SGSH: variants seen among roughly 807,000 people sequenced by gnomAD.
SGSH encodes N-sulfoglucosamine sulfohydrolase.
Under a neutral mutation model 51.0 loss-of-function variants are expected in SGSH, and 48 were observed. The observed-to-expected ratio is 0.94, with a 90% CI of 0.75 to 1.20. The LOEUF is 1.20. SGSH is among the 50% of genes most tolerant of loss of function. SGSH has a pLI of 0.00. For synonymous variants in SGSH, 321 were observed against 313.4 expected (o/e 1.02, Z -0.26); for missense variants, 662 against 717.8 (o/e 0.92, Z 0.89).
rs1299890767 is a variant in SGSH at position 80,213,954 on chromosome 17, C to T, written c.664-69G>A. 5.0e-5 allele frequency: 74 copies of T among 1,470,190 alleles called. No individual in the cohort carries two copies. The highest frequency in any genetic ancestry group is 9.3e-5 in the East Asian group (4 of 43,138). The allele number at this position is 1,470,190 out of a possible 1,614,324, so 91.1% of individuals were successfully genotyped here. A position where few individuals can be genotyped will look rare whatever the true frequency, so the allele number is the denominator to read the frequency against. ...GGGGAGCGGTGTCCAGCCTTCTCCC[C>T]GGGGCCTCCTGCAAATGGGTTAGCC... On this transcript the variant is annotated intron_variant, in intron 5 of 7. Transcript: ENST00000326317. This position sits in a 1 kb window ranked among gnomAD's most constrained non-coding sequence, Gnocchi z 4.6.
chr17:80,204,940 C>T (rs1211753074), downstream of SGSH: 28 of 1,039,722 alleles, frequency 2.7e-5, no homozygotes, highest in South Asian at 3.4e-5. Context: ...GGGGCTGCTG[C>T]AGTGAGCAAA....
At chr17:80,215,664 C>A (rs2041863302) in intron 2 of SGSH, among the ~76,000 whole-genome samples, 1 of 151,946 alleles carries the variant, frequency 6.6e-6, no homozygotes, top group Non-Finnish European at 1.5e-5. Context: ...ACTAAAAATA[C>A]AAAAATTAGC....
downstream of SGSH, chr17:80,207,795 G>A (rs1379193605): frequency 7.4e-6 from 2 of 271,106 alleles, no homozygotes; most frequent in Non-Finnish European, 1.4e-5. Flanking sequence ...ACCCCACCCG[G>A]CCTCAGCTCC....
rs966668496 is a variant in SGSH, at chr17:80,209,633, G to A, written c.*819C>T. 43 of 941,358 alleles carry A rather than the reference G, an allele frequency of 4.6e-5. 1 individual carries two copies. In the South Asian group the frequency reaches 1.7e-3, roughly 36 times the overall value. 58.3% of individuals were successfully genotyped at this position (941,358 alleles called of 1,614,324 possible). ...AGGATGGGCATTGCCACCCAGCAAC[G>A]CCAGTGTCACCGAAGAATTAACCCA... On this transcript the variant is annotated 3_prime_UTR_variant, in exon 8 of 8. Transcript: ENST00000326317.
chr17:80,212,065 G>A lies in SGSH; in HGVS notation c.949+6C>T, dbSNP rs372690682. ...CCTTTCCTGACGGAGACAGACAAAGGCATACCTAGGAGGCTCACGTAGGCC... is the reference window on the plus strand; with the variant it reads ...CCTTTCCTGACGGAGACAGACAAAGACATACCTAGGAGGCTCACGTAGGCC... On this transcript the variant is annotated splice_donor_region_variant and intron_variant, in intron 7 of 7. Transcript: ENST00000326317. This position sits in a 1 kb window ranked among gnomAD's most constrained non-coding sequence, Gnocchi z 5.9. The A allele has an allele frequency of 1.9e-6, 3 of 1,612,236 alleles. No homozygotes were observed. Among genetic ancestry groups the A allele is most frequent in the African/African-American group, 2.7e-5 (2 of 74,866 alleles).
chr17:80,207,424 G>A (rs1164279969), downstream of SGSH, among the ~76,000 whole-genome samples: 2 of 152,164 alleles, frequency 1.3e-5, no homozygotes, highest in East Asian at 1.9e-4. Flanking sequence ...GGCGGCGGGC[G>A]CCTGTAATCC....
intron 7 of SGSH, chr17:80,211,331 C>A (rs531400247): frequency 2.1e-6 from 1 of 473,834 alleles, no homozygotes. Flanking sequence ...CCTGGCTCAT[C>A]ATTTGGGGCC....
At chr17:80,207,273 G>C (rs904420586), downstream of SGSH, among the ~76,000 whole-genome samples, 11 of 152,168 alleles carry the variant, frequency 7.2e-5, no homozygotes, top group Non-Finnish European at 1.5e-4. Flanking sequence ...GATTTTGGCC[G>C]GGCGTGGTGG....
chr17:80,217,021 T>G lies in SGSH; in HGVS notation c.249+11A>C, dbSNP rs2041916254. 3 of 1,550,582 alleles carry G rather than the reference T, an allele frequency of 1.9e-6. No homozygotes were observed. Among genetic ancestry groups the G allele is most frequent in the Non-Finnish European group, 1.7e-6 (2 of 1,149,472 alleles). On this transcript the variant is annotated intron_variant, in intron 2 of 7. Coordinates refer to ENST00000326317, the MANE Select transcript of SGSH (RefSeq NM_000199.5). ...CCTGCCCACCCCCTCCTCCCGCCCCTTGCACCTCACCTGGGGCAGGCCAGT... is the reference window on the plus strand; with the variant it reads ...CCTGCCCACCCCCTCCTCCCGCCCCGTGCACCTCACCTGGGGCAGGCCAGT...
In SGSH at chr17:80,210,777, G is replaced by A; in HGVS notation, c.1184C>T (p.Pro395Leu). ...GTAGAAGTCCTGGTCGATGGGAAAG[G>A]GCATCTTGAAGTTGAGGTTGTGCAC... ...RLVHNLNFKM[P>L]FPIDQDFYVS... is the part of the protein sequence containing the mutation. The change falls in exon 8 of 8, where the codon CCC becomes CTC. Residue 395 changes from proline to leucine, a missense_variant. Transcript: ENST00000326317. 1 of 1,614,074 alleles carries A rather than the reference G, an allele frequency of 6.2e-7. No individual in the cohort carries two copies.
At chr17:80,214,895 G>T in intron 3 of SGSH, 130 bp from the exon 4 acceptor site, 1 of 1,322,950 alleles carries the variant, frequency 7.6e-7, no homozygotes, top group Non-Finnish European at 1.1e-6. Context: ...GGAGACCCAG[G>T]CCCAGATCCT....
chr17:80,215,156 T>C lies in SGSH; in HGVS notation c.250-18A>G, dbSNP rs1598751678. The stretch of plus-strand genomic sequence containing the variant: ...TTCTGATGCTGCCAGCAAAGGCGCA[T>C]GAGGTCCGGGGCCCCCGGACAGCCA... On this transcript the variant is annotated intron_variant, in intron 2 of 7. Coordinates refer to ENST00000326317, the MANE Select transcript of SGSH (RefSeq NM_000199.5). 1 of 1,599,220 alleles carries C rather than the reference T, an allele frequency of 6.3e-7. No individual in the cohort carries two copies. The highest frequency in any genetic ancestry group is 2.2e-5 in the East Asian group (1 of 44,724).
chr17:80,202,704 G>T, downstream of SGSH: 2 of 967,660 alleles, frequency 2.1e-6, no homozygotes, highest in Non-Finnish European at 2.8e-6. Flanking sequence ...CTGGATCCCC[G>T]TCTGTGGTGG....
chr17:80,209,849 G>A lies in SGSH; in HGVS notation c.*603C>T, dbSNP rs1211467293. On this transcript the variant is annotated 3_prime_UTR_variant, in exon 8 of 8. Coordinates refer to ENST00000326317, the MANE Select transcript of SGSH (RefSeq NM_000199.5). ...GCCAATCAGCTGAAACCTGCCTGGG[G>A]AACAGGGACTTGACCATGGGGCAAA... is the stretch of plus-strand genomic sequence containing the variant. The A allele has an allele frequency of 2.0e-6, 2 of 988,660 alleles. No individual in the cohort carries two copies. The highest frequency in any genetic ancestry group is 4.7e-5 in the South Asian group (1 of 21,482). The allele number at this position is 988,660 out of a possible 1,614,324, so 61.2% of individuals were successfully genotyped here.
At chr17:80,205,347 T>C (rs1389216340), downstream of SGSH, 16 of 1,139,292 alleles carry the variant, frequency 1.4e-5, no homozygotes, top group East Asian at 1.3e-4. Flanking sequence ...TGTGTCCAGA[T>C]AGTTCAGGAT....
intron 7 of SGSH, chr17:80,211,796 G>C (rs2041676695): frequency 3.8e-6 from 2 of 523,250 alleles, no homozygotes; most frequent in South Asian, 2.0e-5. Flanking sequence ...GAAGCTCATC[G>C]GAGGTAGGCG....
downstream of SGSH, chr17:80,202,047 C>T (rs2041005912): frequency 1.1e-5 from 13 of 1,195,584 alleles, no homozygotes; most frequent in Non-Finnish European, 1.4e-5. Context: ...ACCTCCCACC[C>T]ACTGACTCCA....
intron 7 of SGSH, chr17:80,211,620 G>A (rs537600853): frequency 1.3e-5 from 4 of 305,414 alleles, no homozygotes; most frequent in Non-Finnish European, 2.5e-5. Context: ...CCCCCAGGAA[G>A]GCAGGATGGG....
chr17:80,201,982 G>A (rs1180120156), downstream of SGSH: 2 of 1,417,122 alleles, frequency 1.4e-6, no homozygotes, highest in African/African-American at 2.9e-5. The surrounding 1 kb of genome is among the most constrained non-coding windows in gnomAD (Gnocchi z 5.0). Flanking sequence ...AGAGCCAAGA[G>A]AGGATCAGCC....
Sources: gnomAD v4.1 joint callset for allele counts (sites outside exome capture counted in the v4.1 genomes callset) on GRCh38, gnomAD v4.1.1 for gene constraint, Gnocchi (gnomAD v3.1) non-coding constraint, MANE v1.5 for transcripts, NCBI Gene and HGNC (gene_info 2026-07-23, HGNC 2026-07-21) for gene names.